EPB41: variants seen among roughly 807,000 people sequenced by gnomAD.
EPB41 encodes protein 4.1.
Under a neutral mutation model 108.0 loss-of-function variants are expected in EPB41, and 65 were observed. That is an observed-to-expected ratio of 0.60 (90% CI 0.49 to 0.74). The LOEUF (loss-of-function observed/expected upper bound fraction) is 0.74. Among genes scored for constraint, EPB41 ranks in the 30% least tolerant of loss-of-function variants. The pLI, the probability that EPB41 is intolerant of heterozygous loss-of-function variation, is 0.00. For synonymous variants in EPB41, 336 were observed against 358.9 expected (o/e 0.94, Z 0.72); for missense variants, 875 against 1,037.0 (o/e 0.84, Z 2.15).
intron 1 of EPB41, among the ~76,000 whole-genome samples, chr1:28,905,798 CTCTTTCTTTT>C (rs928716102): frequency 2.7e-5 from 4 of 150,484 alleles, no homozygotes; most frequent in African/African-American, 9.7e-5. Context: ...TATGACTTCT[CTCTTTCTTTT>C]TCTTTCTTTC....
At chr1:29,066,583 T>C (rs1202529564) in intron 16 of EPB41, among the ~76,000 whole-genome samples, 1 of 152,248 alleles carries the variant, frequency 6.6e-6, no homozygotes, top group Non-Finnish European at 1.5e-5. Flanking sequence ...TAAGTGATTA[T>C]GATTTAAAAA....
At chr1:28,966,089 A>G (rs1309231842) in intron 1 of EPB41, among the ~76,000 whole-genome samples, 1 of 151,998 alleles carries the variant, frequency 6.6e-6, no homozygotes, top group Non-Finnish European at 1.5e-5. Flanking sequence ...AGGCTGAGGC[A>G]GGAGAATCAC....
chr1:29,069,612 G>C, intron 16 of EPB41: 1 of 240,960 alleles, frequency 4.2e-6, no homozygotes, highest in Non-Finnish European at 7.0e-6. Context: ...TGTTTTTAAA[G>C]TCTATATGAA....
upstream of EPB41, among the ~76,000 whole-genome samples, chr1:28,912,901 G>A (rs1356238440): frequency 4.6e-5 from 7 of 152,060 alleles, no homozygotes; most frequent in Non-Finnish European, 1.0e-4. Flanking sequence ...ACAGGCATGA[G>A]CCACCATGCC....
At chr1:29,063,505 AT>A (rs2150984806) in intron 15 of EPB41, among the ~76,000 whole-genome samples, 1 of 152,364 alleles carries the variant, frequency 6.6e-6, no homozygotes, top group Non-Finnish European at 1.5e-5. Context: ...TATTCTTCTT[AT>A]GCTGTTTTCC....
chr1:28,984,037 G>A (rs2095818298), intron 1 of EPB41, among the ~76,000 whole-genome samples: 1 of 136,392 alleles, frequency 7.3e-6, no homozygotes, highest in African/African-American at 2.6e-5. Flanking sequence ...GGCCGGGGGT[G>A]GGTAGATTAT....
chr1:28,962,816 TTATGGCTCGCAG>T (rs1274011858), intron 1 of EPB41, among the ~76,000 whole-genome samples: 1 of 152,158 alleles, frequency 6.6e-6, no homozygotes, highest in Non-Finnish European at 1.5e-5. Flanking sequence ...GCTGGAGCAT[TTATGGCTCGCAG>T]TATGTGTTGA....
intron 10 of EPB41, among the ~76,000 whole-genome samples, chr1:29,036,796 C>T (rs1046280232): frequency 6.6e-6 from 1 of 151,582 alleles, no homozygotes; most frequent in Admixed American, 6.6e-5. Flanking sequence ...CTGCCCCAGT[C>T]TCCTGAGCAG....
intron 14 of EPB41, among the ~76,000 whole-genome samples, chr1:29,059,371 CAGTG>C (rs1179774030): frequency 1.3e-5 from 2 of 152,074 alleles, no homozygotes; most frequent in Non-Finnish European, 2.9e-5. Flanking sequence ...ATGAAATAAT[CAGTG>C]AGAGTCAAAC....
chr1:28,891,759 C>T (rs1011622738), intron 1 of EPB41, among the ~76,000 whole-genome samples: 6 of 152,238 alleles, frequency 3.9e-5, no homozygotes, highest in Non-Finnish European at 8.8e-5. Context: ...TGTTGAGATG[C>T]TTTATCCAGG....
chr1:29,053,424 T>C (rs1644847439), intron 12 of EPB41, 112 bp downstream of exon 12: 1 of 1,099,904 alleles, frequency 9.1e-7, no homozygotes. Context: ...CTCAACAAAG[T>C]TATTCTTCAT....
intron 1 of EPB41, among the ~76,000 whole-genome samples, chr1:28,915,622 C>G (rs2092576071): frequency 6.6e-6 from 1 of 151,994 alleles, no homozygotes; most frequent in South Asian, 2.1e-4. Context: ...GTTTCTTTAA[C>G]TGTACCCTGT....
intron 11 of EPB41, among the ~76,000 whole-genome samples, chr1:29,042,080 T>C (rs1425584688): frequency 6.6e-6 from 1 of 152,252 alleles, no homozygotes; most frequent in East Asian, 1.9e-4. Context: ...ATGAGATATG[T>C]AGACCATTGT....
At chr1:29,097,666 T>G in intron 16 of EPB41, 141 bp from the exon 17 acceptor site, 2 of 990,312 alleles carry the variant, frequency 2.0e-6, no homozygotes. Flanking sequence ...TGTCGAAGTC[T>G]TAGGCAGGGT....
chr1:28,900,628 T>G (rs2091186394), intron 1 of EPB41, among the ~76,000 whole-genome samples: 1 of 152,052 alleles, frequency 6.6e-6, no homozygotes, highest in Non-Finnish European at 1.5e-5. Context: ...TGCCTTTGTT[T>G]GTAAAATGGT....
chr1:28,931,602 T>G (rs150090), intron 1 of EPB41, among the ~76,000 whole-genome samples: 117,090 of 149,820 alleles, frequency 0.78, 46,349 homozygotes, highest in East Asian at 0.92. Context: ...GATCTCGGCT[T>G]ACTGCAACCT....
At chr1:29,111,991 A>C (rs1001272931) in intron 18 of EPB41, among the ~76,000 whole-genome samples, 2 of 151,944 alleles carry the variant, frequency 1.3e-5, no homozygotes, top group South Asian at 2.1e-4. Flanking sequence ...AAAAAAAAAA[A>C]CAAAGATTTT....
intron 1 of EPB41, among the ~76,000 whole-genome samples, chr1:28,975,216 G>C (rs918716795): frequency 6.6e-6 from 1 of 152,156 alleles, no homozygotes; most frequent in Non-Finnish European, 1.5e-5. Flanking sequence ...ACAGGCGTGA[G>C]TTACCGTGCC....
At chr1:29,076,761 G>A (rs914143692) in intron 16 of EPB41, among the ~76,000 whole-genome samples, 4 of 152,078 alleles carry the variant, frequency 2.6e-5, no homozygotes, top group African/African-American at 9.7e-5. Flanking sequence ...AGGCTCTTTA[G>A]GCCAAGCACG....
Sources: allele counts gnomAD v4.1 joint callset (sites outside exome capture counted in the v4.1 genomes callset), GRCh38; gene constraint gnomAD v4.1.1; transcripts MANE v1.5; gene names NCBI Gene and HGNC (gene_info 2026-07-23, HGNC 2026-07-21).